PPFIBP1: variants seen among roughly 807,000 people sequenced by gnomAD.
PPFIBP1 encodes the protein PPFIB scaffold protein 1, also known as liprin-beta-1.
PPFIBP1 carries 112 observed loss-of-function variants against 137.8 expected under a neutral mutation model. That is an observed-to-expected ratio of 0.81 (90% CI 0.70 to 0.95). PPFIBP1 has a LOEUF of 0.95. PPFIBP1 is among the 40% of genes least tolerant of loss of function. PPFIBP1 has a pLI of 0.00. For synonymous variants in PPFIBP1, 378 were observed against 417.3 expected, an observed-to-expected ratio of 0.91 and a Z score of 1.15; for missense variants, 1,083 against 1,196.6, an observed-to-expected ratio of 0.91 and a Z score of 1.40.
chr12:27,593,697 C>G, intron 2 of PPFIBP1: 2 of 587,934 alleles, frequency 3.4e-6, no homozygotes, highest in South Asian at 4.3e-5. Context: ...CTTGTTTATC[C>G]ACAGGTTGGC....
chr12:27,655,092 C>T (rs1318041058), intron 8 of PPFIBP1: 2 of 1,343,348 alleles, frequency 1.5e-6, no homozygotes, highest in Non-Finnish European at 2.1e-6. Flanking sequence ...GGTTATTTAG[C>T]TTGTCTTTTT....
chr12:27,566,823 C>T (rs1339025840), intron 1 of PPFIBP1, among the ~76,000 whole-genome samples: 2 of 152,124 alleles, frequency 1.3e-5, no homozygotes. Context: ...CAGCCAAATC[C>T]CAGAGCCCAT....
chr12:27,544,182 T>G (rs1220165589), intron 1 of PPFIBP1, among the ~76,000 whole-genome samples: 1 of 151,890 alleles, frequency 6.6e-6, no homozygotes, highest in African/African-American at 2.4e-5. Flanking sequence ...ATGTCCCCCC[T>G]GATTTTTAAA....
intron 2 of PPFIBP1, among the ~76,000 whole-genome samples, chr12:27,594,845 A>G (rs1296537527): frequency 6.6e-6 from 1 of 152,242 alleles, no homozygotes; most frequent in Non-Finnish European, 1.5e-5. Flanking sequence ...TATATAATAT[A>G]TCCACATATC....
At chr12:27,602,020 T>C (rs982701663) in intron 2 of PPFIBP1, among the ~76,000 whole-genome samples, 11 of 152,232 alleles carry the variant, frequency 7.2e-5, no homozygotes, top group East Asian at 3.8e-4. Context: ...ATTAGTCAGG[T>C]GAACAAAATA....
intron 10 of PPFIBP1, 126 bp from the exon 11 acceptor site, chr12:27,660,758 T>A: frequency 1.4e-6 from 2 of 1,389,644 alleles, no homozygotes; most frequent in Non-Finnish European, 1.9e-6. Context: ...GTGCCCTTTT[T>A]AAAGAATAAA....
chr12:27,634,139 C>CTTTTTTT (rs375816732), intron 3 of PPFIBP1, among the ~76,000 whole-genome samples: 1 of 111,638 alleles, frequency 9.0e-6, no homozygotes, highest in Admixed American at 9.9e-5. Context: ...CCGGCCATAT[C>CTTTTTTT]TTTTTTTTTT....
chr12:27,627,012 A>G (rs547966734), intron 2 of PPFIBP1, among the ~76,000 whole-genome samples: 18 of 152,310 alleles, frequency 1.2e-4, no homozygotes, highest in African/African-American at 4.1e-4. Context: ...TATGGGGTAC[A>G]TGAGATATTT....
intron 2 of PPFIBP1, among the ~76,000 whole-genome samples, chr12:27,604,878 AG>A (rs1324351421): frequency 6.6e-6 from 1 of 152,240 alleles, no homozygotes; most frequent in Non-Finnish European, 1.5e-5. Flanking sequence ...ACAGAAGGCA[AG>A]GAGGAACAAG....
intron 11 of PPFIBP1, among the ~76,000 whole-genome samples, chr12:27,663,139 G>T (rs1311387989): frequency 6.6e-6 from 1 of 152,176 alleles, no homozygotes; most frequent in Non-Finnish European, 1.5e-5. Context: ...CCATCCTCCA[G>T]TAGACTAGGC....
At chr12:27,528,729 T>TA (rs1271999355) in intron 1 of PPFIBP1, among the ~76,000 whole-genome samples, 1 of 152,146 alleles carries the variant, frequency 6.6e-6, no homozygotes, top group Non-Finnish European at 1.5e-5. Flanking sequence ...GGATTTTAGA[T>TA]AAAAGAAATA....
chr12:27,619,381 A>G (rs1047588540), intron 2 of PPFIBP1, among the ~76,000 whole-genome samples: 2 of 152,184 alleles, frequency 1.3e-5, no homozygotes, highest in Non-Finnish European at 2.9e-5. Context: ...TTAGTCACAG[A>G]CACATTTTTT....
At chr12:27,530,363 G>A (rs575565153) in intron 1 of PPFIBP1, among the ~76,000 whole-genome samples, 229 of 152,086 alleles carry the variant, frequency 1.5e-3, no homozygotes, top group Non-Finnish European at 2.6e-3. Flanking sequence ...ATCTTGCCAG[G>A]GCCATTTGTG....
intron 2 of PPFIBP1, among the ~76,000 whole-genome samples, chr12:27,627,351 A>G (rs1037945536): frequency 6.6e-6 from 1 of 152,228 alleles, no homozygotes; most frequent in Non-Finnish European, 1.5e-5. Flanking sequence ...GTGTGAAAAC[A>G]TATTCTATTT....
At position 27,560,070 on chromosome 12, in the gene PPFIBP1, C is replaced by A. The variant is rs1403859383; in HGVS notation, c.-123-18082C>A. 4.6e-5 allele frequency among the ~76,000 whole-genome samples: 7 copies of A among 152,214 alleles called. No individual in the cohort carries two copies. The South Asian group carries it at 1.4e-3, about 31-fold the overall frequency. On this transcript the variant is annotated intron_variant, in intron 1 of 29. Coordinates refer to ENST00000228425, the MANE Select transcript of PPFIBP1 (RefSeq NM_003622.4). ...TTGACAGGTAAGTATTACACATGGA[C>A]AACTTTACTCAAATGTTTTTAAAAT...
intron 1 of PPFIBP1, among the ~76,000 whole-genome samples, chr12:27,559,276 C>T (rs1400282098): frequency 6.6e-6 from 1 of 152,104 alleles, no homozygotes. Flanking sequence ...TCATGCCGTT[C>T]TCCTGCCTCA....
chr12:27,672,437 A>T lies in PPFIBP1; in HGVS notation c.1273A>T (p.Ile425Leu). Residue 425 changes from isoleucine to leucine, a missense_variant, in exon 15 of 30, where the codon ATA becomes TTA. Ile to Leu is a conservative substitution (Grantham distance 5). Coordinates refer to ENST00000228425, the MANE Select transcript of PPFIBP1 (RefSeq NM_003622.4). The part of the protein sequence containing the change: ...ETSFEENDGN[I>L]ILGATVDTQL... Reference sequence around the variant, plus strand: ...TTCTTTACATTTTAGTGATGGAAACATAATCCTTGGTGCCACTGTTGATAC... The same window carrying T: ...TTCTTTACATTTTAGTGATGGAAACTTAATCCTTGGTGCCACTGTTGATAC... The T allele has an allele frequency of 1.2e-6, 2 of 1,607,686 alleles. No individual in the cohort carries two copies. Among genetic ancestry groups the T allele is most frequent in the South Asian group, 1.1e-5 (1 of 90,746 alleles).
chr12:27,602,060 C>G (rs528787376), intron 2 of PPFIBP1, among the ~76,000 whole-genome samples: 2 of 152,322 alleles, frequency 1.3e-5, no homozygotes, highest in African/African-American at 4.8e-5. Flanking sequence ...TCCTGTTGGA[C>G]AGAGCTGCTC....
At chr12:27,577,562 A>T (rs1382447643) in intron 1 of PPFIBP1, among the ~76,000 whole-genome samples, 1 of 152,210 alleles carries the variant, frequency 6.6e-6, no homozygotes, top group Non-Finnish European at 1.5e-5. Flanking sequence ...ACCAAAATAT[A>T]TTTTATTACT....
Sources: gnomAD v4.1 joint callset for allele counts (sites outside exome capture counted in the v4.1 genomes callset) on GRCh38, gnomAD v4.1.1 for gene constraint, MANE v1.5 for transcripts, NCBI Gene and HGNC (gene_info 2026-07-23, HGNC 2026-07-21) for gene names.